CLEC9A: variants seen among roughly 807,000 people sequenced by gnomAD.
The protein encoded by CLEC9A is C-type lectin domain family 9 member A.
Under a neutral mutation model 30.0 loss-of-function variants are expected in CLEC9A, and 24 were observed. The observed-to-expected ratio is 0.80, with a 90% CI of 0.58 to 1.13. The LOEUF is 1.13. Among genes scored for constraint, CLEC9A ranks in the 50% most tolerant of loss-of-function variants. CLEC9A has a pLI of 0.00. For synonymous variants in CLEC9A, 111 were observed against 96.8 expected, an observed-to-expected ratio of 1.15 and a Z score of -0.86; for missense variants, 251 against 280.9, an observed-to-expected ratio of 0.89 and a Z score of 0.76.
At chr12:10,052,808 C>CT (rs1865906515) in intron 4 of CLEC9A, 30 bp downstream of exon 4, 2 of 1,587,212 alleles carry the variant, frequency 1.3e-6, no homozygotes, top group Middle Eastern at 3.4e-4. Context: ...TTGTGTGAGA[C>CT]TTTAGAGTTC....
Position 10,054,995 on chromosome 12 carries a change from T to C in CLEC9A, c.172+644T>C, listed in dbSNP as rs147302024. ...ATATCTCTATCTAAAAGACATCAGC[T>C]GGAGAGGAAGAATTATGAACTCTGA... On this transcript the variant is annotated intron_variant, in intron 5 of 8. Coordinates refer to ENST00000355819, the MANE Select transcript of CLEC9A (RefSeq NM_207345.4). Among the ~76,000 whole-genome samples, 9 of 152,280 alleles carry C rather than the reference T, an allele frequency of 5.9e-5. No homozygotes were observed. In the East Asian group the frequency reaches 1.7e-3, roughly 29 times the overall value.
chr12:10,065,374 C>A, intron 8 of CLEC9A, 126 bp from the exon 9 acceptor site: 1 of 944,572 alleles, frequency 1.1e-6, no homozygotes, highest in Non-Finnish European at 1.5e-6. Context: ...AGGATGAAAC[C>A]ACCACAGGAA....
intron 3 of CLEC9A, 163 bp from the exon 4 acceptor site, chr12:10,052,467 C>A (rs1327595597): frequency 2.4e-6 from 3 of 1,228,796 alleles, no homozygotes; most frequent in Non-Finnish European, 3.1e-6. Flanking sequence ...AGTTCTCTCT[C>A]ATTTCCTTTT....
chr12:10,042,612 A>G (rs1375098651), intron 2 of CLEC9A, among the ~76,000 whole-genome samples: 1 of 152,208 alleles, frequency 6.6e-6, no homozygotes, highest in Non-Finnish European at 1.5e-5. Context: ...AATTGAAGCA[A>G]CAGCCAAGAA....
intron 7 of CLEC9A, 152 bp from the exon 8 acceptor site, chr12:10,064,580 G>A (rs1866026123): frequency 5.3e-6 from 4 of 756,858 alleles, no homozygotes; most frequent in South Asian, 2.3e-5. Flanking sequence ...TCTAAAAAAT[G>A]TATCGGCACT....
At chr12:10,063,347 A>G (rs146913676) in intron 7 of CLEC9A, 141 bp downstream of exon 7, 1 of 821,006 alleles carries the variant, frequency 1.2e-6, no homozygotes, top group Admixed American at 4.1e-5. Flanking sequence ...TAAAAGAAAC[A>G]AAGTTGGAAT....
intron 1 of CLEC9A, among the ~76,000 whole-genome samples, chr12:10,037,394 T>C (rs965570196): frequency 2.0e-5 from 3 of 152,340 alleles, no homozygotes; most frequent in Admixed American, 6.5e-5. Context: ...TTCATTCATT[T>C]TCCCACATAC....
chr12:10,036,671 G>A (rs1370997607), intron 1 of CLEC9A, among the ~76,000 whole-genome samples: 1 of 152,076 alleles, frequency 6.6e-6, no homozygotes, highest in African/African-American at 2.4e-5. Flanking sequence ...TGTACTCCTT[G>A]TCATTGTTAT....
At position 10,030,957 on chromosome 12, in the gene CLEC9A, ACT is replaced by A. The variant is rs1865690667; in HGVS notation, c.-328_-327del. On this transcript the variant is annotated 5_prime_UTR_variant, in exon 1 of 9. It introduces an in-frame stop codon into an upstream open reading frame of the 5' UTR. Transcript: ENST00000355819. Reference sequence around the variant, plus strand: ...GATCTAAATGATTCAAACTGATGATACTCTCTGCAGAAGAGGTAAGAACCACT... The same window carrying A: ...GATCTAAATGATTCAAACTGATGATACTCTGCAGAAGAGGTAAGAACCACT... The A allele has an allele frequency of 6.6e-6, 1 of 152,146 alleles. No homozygotes were observed. The highest frequency in any genetic ancestry group is 6.6e-5 in the Admixed American group (1 of 15,266). 9.4% of individuals were successfully genotyped at this position (152,146 alleles called of 1,614,324 possible).
At chr12:10,042,946 T>C (rs1045802206) in intron 2 of CLEC9A, among the ~76,000 whole-genome samples, 10 of 152,194 alleles carry the variant, frequency 6.6e-5, no homozygotes, top group East Asian at 1.9e-4. Context: ...CCTCAATTGA[T>C]TGAAGATATA....
rs749646888 is a variant in CLEC9A at position 10,061,175 on chromosome 12, A to G, written c.221A>G (p.Gln74Arg). ...IAMQQQEKLI[Q>R]QERALLNFTE... ...ATGCAGCAGCAAGAAAAACTCATCC[A>G]ACAAGAGAGGGCACTGCTAAACTTT... The change falls in exon 6 of 9, where the codon CAA becomes CGA. Residue 74 changes from glutamine to arginine, a missense_variant. Gln to Arg is a conservative substitution (Grantham distance 43, BLOSUM62 1). Coordinates refer to ENST00000355819, the MANE Select transcript of CLEC9A (RefSeq NM_207345.4). 1 of 1,613,460 alleles carries G rather than the reference A, an allele frequency of 6.2e-7. No individual in the cohort carries two copies. The highest frequency in any genetic ancestry group is 2.2e-5 in the East Asian group (1 of 44,846).
At chr12:10,034,358 A>G (rs562308022) in intron 1 of CLEC9A, among the ~76,000 whole-genome samples, 18 of 152,230 alleles carry the variant, frequency 1.2e-4, no homozygotes, top group Non-Finnish European at 2.6e-4. Context: ...CTGACAGTGA[A>G]GCTTAAACAA....
intron 1 of CLEC9A, among the ~76,000 whole-genome samples, chr12:10,035,759 C>A (rs572797547): frequency 2.3e-4 from 35 of 152,246 alleles, no homozygotes; most frequent in Non-Finnish European, 2.9e-4. Flanking sequence ...GAACTACAGG[C>A]GTGCGCCACC....
At chr12:10,055,713 G>T (rs544058851) in intron 5 of CLEC9A, among the ~76,000 whole-genome samples, 13 of 151,880 alleles carry the variant, frequency 8.6e-5, no homozygotes, top group Admixed American at 2.0e-4. Flanking sequence ...CAAATATTTT[G>T]TCTACTATAT....
chr12:10,059,727 T>C (rs1040680998), intron 5 of CLEC9A, among the ~76,000 whole-genome samples: 5 of 152,072 alleles, frequency 3.3e-5, no homozygotes, highest in Non-Finnish European at 7.4e-5. Context: ...AGCAAGAAGG[T>C]GAGACCCCAT....
In CLEC9A at chr12:10,052,766, A is replaced by T. The variant is rs761973549; in HGVS notation, c.79A>T (p.Asn27Tyr). Residue 27 changes from asparagine (N) to tyrosine (Y), a missense_variant, in exon 4 of 9, where the codon AAC (asparagine) becomes TAC (tyrosine). Asn to Tyr is a moderately radical substitution (Grantham distance 143). Transcript: ENST00000355819. ...CACTTACCAGAAATGTCTGTCTTCC[A>T]ACAAATGTTCAGGTAACCAGTTCTA... ...PDTYQKCLSS[N>Y]KCSGACCLVM... The T allele has an allele frequency of 6.2e-7, 1 of 1,613,858 alleles. No individual in the cohort carries two copies. The highest frequency in any genetic ancestry group is 1.1e-5 in the South Asian group (1 of 91,080).
intron 5 of CLEC9A, among the ~76,000 whole-genome samples, chr12:10,055,392 T>C (rs901719026): frequency 6.6e-6 from 1 of 152,212 alleles, no homozygotes; most frequent in Non-Finnish European, 1.5e-5. Flanking sequence ...CCTTCTTCTG[T>C]AAAAATTGAG....
intron 1 of CLEC9A, among the ~76,000 whole-genome samples, chr12:10,035,597 C>A (rs570878403): frequency 3.3e-5 from 5 of 152,220 alleles, no homozygotes; most frequent in African/African-American, 1.2e-4. Context: ...GATGATAGTA[C>A]ATTTTTGTTG....
intron 1 of CLEC9A, among the ~76,000 whole-genome samples, chr12:10,037,053 G>T (rs4474534): frequency 1.3e-5 from 2 of 151,940 alleles, no homozygotes; most frequent in South Asian, 4.1e-4. Flanking sequence ...TAAAGACTCA[G>T]AACACTTCTA....
Sources: gnomAD v4.1 joint callset for allele counts (sites outside exome capture counted in the v4.1 genomes callset) on GRCh38, gnomAD v4.1.1 for gene constraint, MANE v1.5 for transcripts, NCBI Gene and HGNC (gene_info 2026-07-23, HGNC 2026-07-21) for gene names.